The following PTPRA variants were observed in gnomAD, a reference collection of about 807,000 sequenced individuals.
PTPRA encodes the protein receptor-type tyrosine-protein phosphatase alpha.
A neutral mutation model predicts 104.8 loss-of-function variants in PTPRA; 25 were observed. The ratio of observed to expected loss-of-function variants is 0.24; its 90% CI spans 0.17 to 0.33. The LOEUF is 0.33. Among genes scored for constraint, PTPRA ranks in the 10% least tolerant of loss-of-function variants. The probability of loss-of-function intolerance (pLI) is 1.00; values close to 1 mark genes in which losing one functional copy is unlikely to be tolerated. For missense variants in PTPRA, 765 were observed against 1,015.3 expected (o/e 0.75, Z 3.35); for synonymous variants, 323 against 368.9 (o/e 0.88, Z 1.43).
At chr20:2,913,950 A>C (rs2147260479) in intron 1 of PTPRA, among the ~76,000 whole-genome samples, 2 of 152,282 alleles carry the variant, frequency 1.3e-5, no homozygotes, top group South Asian at 4.1e-4. Context: ...TTCTAATTTC[A>C]TCATCCCTTC....
intron 6 of PTPRA, among the ~76,000 whole-genome samples, chr20:2,976,814 A>G (rs569628520): frequency 6.6e-6 from 1 of 152,216 alleles, no homozygotes; most frequent in Non-Finnish European, 1.5e-5. Flanking sequence ...GTTATGTCTT[A>G]TGCAGATGAA....
At chr20:3,023,983 C>T (rs1659203640) in intron 16 of PTPRA, among the ~76,000 whole-genome samples, 1 of 152,272 alleles carries the variant, frequency 6.6e-6, no homozygotes, top group Non-Finnish European at 1.5e-5. Flanking sequence ...GTCAGGAAGG[C>T]AGATGACAGG....
chr20:2,868,571 A>G (rs1184064140), upstream of PTPRA, among the ~76,000 whole-genome samples: 1 of 147,024 alleles, frequency 6.8e-6, no homozygotes, highest in African/African-American at 2.5e-5. Context: ...GAATCAGCAG[A>G]CAAGAGGAAA....
chr20:2,883,077 T>G (rs2090154812), intron 1 of PTPRA, among the ~76,000 whole-genome samples: 1 of 150,832 alleles, frequency 6.6e-6, no homozygotes, highest in African/African-American at 2.4e-5. Flanking sequence ...CTTGACCTCC[T>G]GGGCTCGGGT....
chr20:2,878,605 T>A (rs1273724204), intron 1 of PTPRA, among the ~76,000 whole-genome samples: 1 of 152,194 alleles, frequency 6.6e-6, no homozygotes, highest in Non-Finnish European at 1.5e-5. Context: ...TTCAAATACT[T>A]CTTTTGGATT....
intron 3 of PTPRA, among the ~76,000 whole-genome samples, chr20:2,949,910 G>T (rs2061297131): frequency 6.6e-6 from 1 of 151,984 alleles, no homozygotes; most frequent in Admixed American, 6.5e-5. Context: ...AAATATCCTT[G>T]TATATCTTGG....
At chr20:2,922,420 A>G (rs1342161072) in intron 1 of PTPRA, among the ~76,000 whole-genome samples, 2 of 151,434 alleles carry the variant, frequency 1.3e-5, no homozygotes, top group Non-Finnish European at 2.9e-5. Context: ...GCTCACTGCA[A>G]CCTCCCCCTC....
intron 5 of PTPRA, among the ~76,000 whole-genome samples, chr20:2,970,129 G>A (rs2062124759): frequency 6.6e-6 from 1 of 152,052 alleles, no homozygotes. Context: ...AAGAGCTGCT[G>A]TATTGAAGGA....
intron 2 of PTPRA, among the ~76,000 whole-genome samples, chr20:2,936,788 T>G (rs2060719784): frequency 6.6e-6 from 1 of 152,302 alleles, no homozygotes; most frequent in African/African-American, 2.4e-5. Context: ...GGGTTCTTTT[T>G]TAAAAGAATC....
chr20:3,032,680 C>T (rs573887921), intron 20 of PTPRA, among the ~76,000 whole-genome samples: 4 of 151,130 alleles, frequency 2.6e-5, no homozygotes, highest in Admixed American at 2.0e-4. Flanking sequence ...GCAGGAGAAT[C>T]GTTTGAACCA....
chr20:3,015,313 T>C (rs2064382433), intron 11 of PTPRA, among the ~76,000 whole-genome samples: 1 of 150,006 alleles, frequency 6.7e-6, no homozygotes, highest in African/African-American at 2.5e-5. Context: ...CTTTTTTTTT[T>C]TTTTTTGGAG....
chr20:3,036,927 G>A (rs529593877), intron 22 of PTPRA, among the ~76,000 whole-genome samples: 33 of 152,276 alleles, frequency 2.2e-4, no homozygotes, highest in Admixed American at 8.5e-4. Flanking sequence ...AGTGAAGGTC[G>A]TCCCCCACGG....
intron 6 of PTPRA, among the ~76,000 whole-genome samples, chr20:2,975,638 C>A (rs1020405862): frequency 1.3e-5 from 2 of 152,034 alleles, no homozygotes; most frequent in Non-Finnish European, 2.9e-5. Flanking sequence ...AAATGTCAAC[C>A]CTTTGTGGCT....
chr20:3,033,067 C>T (rs1431191845), intron 20 of PTPRA, among the ~76,000 whole-genome samples: 1 of 151,984 alleles, frequency 6.6e-6, no homozygotes, highest in African/African-American at 2.4e-5. Flanking sequence ...TTGGAGTATA[C>T]TAGACTCGGG....
chr20:3,019,094 G>T (rs2064670203), intron 13 of PTPRA, among the ~76,000 whole-genome samples: 1 of 140,922 alleles, frequency 7.1e-6, no homozygotes, highest in Non-Finnish European at 1.6e-5. Flanking sequence ...CTTCCCAGTA[G>T]GGGCGGCCGG....
intron 5 of PTPRA, among the ~76,000 whole-genome samples, chr20:2,972,787 G>A (rs773865115): frequency 6.6e-6 from 1 of 151,666 alleles, no homozygotes; most frequent in Non-Finnish European, 1.5e-5. Flanking sequence ...GCATGATCTC[G>A]GCTCATTGCG....
chr20:2,872,766 AG>A (rs1440958018), upstream of PTPRA, among the ~76,000 whole-genome samples: 1 of 152,032 alleles, frequency 6.6e-6, no homozygotes, highest in East Asian at 1.9e-4. This position sits in a 1 kb window ranked among gnomAD's most constrained non-coding sequence, Gnocchi z 7.9. Flanking sequence ...CGGCCGGGGG[AG>A]GGCGCACTCT....
At position 3,035,248 on chromosome 20, in the gene PTPRA, A is replaced by G. The variant is rs770941878; in HGVS notation, c.1921-337A>G. On this transcript the variant is annotated intron_variant, in intron 20 of 23. Transcript: ENST00000399903. The surrounding 1 kb of genome is among the most constrained non-coding windows in gnomAD (Gnocchi z 5.8). ...CAGTCTGGCGGATGTAAGCAGCATT[A>G]AATATGAAAACACCCCATGGGAGAA... Among the ~76,000 whole-genome samples the G allele has an allele frequency of 2.6e-5, 4 of 152,172 alleles. No homozygotes were observed. Among genetic ancestry groups the G allele is most frequent in the Non-Finnish European group, 5.9e-5 (4 of 68,028 alleles).
chr20:2,986,962 G>A (rs1350496396), intron 7 of PTPRA, 113 bp downstream of exon 7: 7 of 956,112 alleles, frequency 7.3e-6, no homozygotes, highest in Admixed American at 1.9e-5. Flanking sequence ...TAGGATAGAG[G>A]GGGAATGACC....
Sources: allele counts gnomAD v4.1 joint callset (sites outside exome capture counted in the v4.1 genomes callset), GRCh38; gene constraint gnomAD v4.1.1; non-coding constraint Gnocchi (gnomAD v3.1); transcripts MANE v1.5; gene names NCBI Gene and HGNC (gene_info 2026-07-23, HGNC 2026-07-21).